Variants in CROCC2 observed in about 807,000 individuals in gnomAD.
CROCC2 encodes the protein ciliary rootlet coiled-coil, rootletin family member 2.
In CROCC2, 163 loss-of-function variants were observed where a neutral mutation model predicts 177.6. The observed-to-expected ratio is 0.92, with a 90% CI of 0.81 to 1.05. CROCC2 has a LOEUF of 1.05. CROCC2 is among the 50% of genes least tolerant of loss of function. The pLI, the probability that CROCC2 is intolerant of heterozygous loss-of-function variation, is 0.00. For synonymous variants in CROCC2, 904 were observed against 787.3 expected (o/e 1.15, Z -2.48); for missense variants, 1,929 against 1,797.8 (o/e 1.07, Z -1.32).
Position 240,953,715 on chromosome 2 carries a change from AGTCACAAAACAGTCTTTGG to A in CROCC2, c.2830-2142_2830-2124del, listed in dbSNP as rs2059571525. 6.6e-6 allele frequency among the ~76,000 whole-genome samples: 1 copy of A among 152,204 alleles called. No individual in the cohort carries two copies. Among genetic ancestry groups the A allele is most frequent in the Admixed American group, 6.5e-5 (1 of 15,288 alleles). ...TTCCCTGAGGAACCTGTGATGACCCAGTCACAAAACAGTCTTTGGGGATCTTATTTCTGTAATGAAGAAG... is the reference window on the plus strand; with the variant it reads ...TTCCCTGAGGAACCTGTGATGACCCAGGATCTTATTTCTGTAATGAAGAAG... On this transcript the variant is annotated intron_variant, in intron 18 of 31. Coordinates refer to ENST00000690015, the MANE Select transcript of CROCC2 (RefSeq NM_001351305.2). This position sits in a 1 kb window ranked among gnomAD's most constrained non-coding sequence, Gnocchi z 4.0.
intron 5 of CROCC2, among the ~76,000 whole-genome samples, chr2:240,926,893 G>A (rs1243766135): frequency 6.6e-6 from 1 of 152,248 alleles, no homozygotes; most frequent in African/African-American, 2.4e-5. Flanking sequence ...GGCGTTTGAG[G>A]CAGATCTCAT....
chr2:240,943,397 G>A (rs2059504997), intron 14 of CROCC2, among the ~76,000 whole-genome samples: 1 of 151,462 alleles, frequency 6.6e-6, no homozygotes, highest in South Asian at 2.1e-4. Context: ...CGGCTGCTTT[G>A]GTATATCTGA....
chr2:240,935,249 A>G lies in CROCC2; in HGVS notation c.1939-109A>G, dbSNP rs923756201. On this transcript the variant is annotated intron_variant, in intron 13 of 31. Coordinates refer to ENST00000690015, the MANE Select transcript of CROCC2 (RefSeq NM_001351305.2). ...GGAGGGAAGAGAGTGCCCCTGGGCC[A>G]GGCCTGAGGGAGGGAAGACAGTGCC... 5 of 1,218,782 alleles carry G rather than the reference A, an allele frequency of 4.1e-6. No individual in the cohort carries two copies. The African/African-American group carries it at 6.3e-5, about 15-fold the overall frequency. 75.5% of individuals were successfully genotyped at this position (1,218,782 alleles called of 1,614,324 possible).
In CROCC2 at chr2:240,933,156, C is replaced by T; in HGVS notation, c.1277C>T (p.Ser426Phe). 1 of 1,550,050 alleles carries T rather than the reference C, an allele frequency of 6.5e-7. No individual in the cohort carries two copies. The change falls in exon 10 of 32, where the codon TCC (serine) becomes TTC (phenylalanine). Residue 426 changes from serine to phenylalanine, a missense_variant. Physicochemically the swap from Ser to Phe is radical, Grantham distance 155. Transcript: ENST00000690015. ...EQELCLQLKS[S>F]QALVASLQEQ... is the part of the protein sequence containing the mutation. ...GAGCTGTGCCTGCAGCTGAAGTCCT[C>T]CCAGGCACTGGTGGCCAGTCTCCAG...
At chr2:240,983,938 C>A (rs1035446904) in intron 28 of CROCC2, among the ~76,000 whole-genome samples, 2 of 152,134 alleles carry the variant, frequency 1.3e-5, no homozygotes, top group Non-Finnish European at 1.5e-5. Context: ...GTGTGCCCTG[C>A]GGCTGGAGCA....
intron 14 of CROCC2, among the ~76,000 whole-genome samples, chr2:240,939,808 G>A (rs1012377632): frequency 2.0e-5 from 3 of 151,994 alleles, no homozygotes; most frequent in East Asian, 1.9e-4. Context: ...TTTGCCCCGT[G>A]GATTATTTGG....
chr2:240,989,862 G>T (rs1425628181), intron 30 of CROCC2, 29 bp downstream of exon 30: 5 of 1,516,822 alleles, frequency 3.3e-6, no homozygotes, highest in Non-Finnish European at 4.4e-6. Flanking sequence ...CCCCCTGGGT[G>T]AGGGAAGAGG....
At chr2:240,906,703 G>A in intron 1 of CROCC2, 112 bp downstream of exon 1, 1 of 398,090 alleles carries the variant, frequency 2.5e-6, no homozygotes, top group Admixed American at 4.4e-5. Context: ...CTGGCTCCCG[G>A]GGCACTTTCC....
At chr2:240,966,940 C>G (rs532118039) in intron 25 of CROCC2, among the ~76,000 whole-genome samples, 1 of 151,994 alleles carries the variant, frequency 6.6e-6, no homozygotes, top group Admixed American at 6.6e-5. Flanking sequence ...TCCTTCCCTT[C>G]GGGCCCACCC....
chr2:240,934,827 C>G, intron 12 of CROCC2, 89 bp from the exon 13 acceptor site: 1 of 1,351,222 alleles, frequency 7.4e-7, no homozygotes, highest in Non-Finnish European at 9.7e-7. Context: ...TGCACACCTC[C>G]GTGGCTCAGG....
At chr2:240,928,309 T>C (rs2059406250) in intron 5 of CROCC2, among the ~76,000 whole-genome samples, 1 of 152,210 alleles carries the variant, frequency 6.6e-6, no homozygotes. Context: ...ACTATCCTGG[T>C]GATGTAGTGT....
At chr2:240,922,068 C>T (rs1301074709) in intron 3 of CROCC2, among the ~76,000 whole-genome samples, 1 of 152,208 alleles carries the variant, frequency 6.6e-6, no homozygotes, top group African/African-American at 2.4e-5. Context: ...CCAGAGGTAG[C>T]CCTGTGACCT....
intron 20 of CROCC2, among the ~76,000 whole-genome samples, chr2:240,962,062 ACT>A (rs2059645621): frequency 8.4e-6 from 1 of 119,760 alleles, no homozygotes; most frequent in African/African-American, 3.7e-5. Flanking sequence ...ATACACTCAC[ACT>A]CACACGCACT....
chr2:240,978,481 C>A (rs1459832159), intron 27 of CROCC2, among the ~76,000 whole-genome samples: 1 of 26,632 alleles, frequency 3.8e-5, no homozygotes, highest in Non-Finnish European at 5.5e-5. Context: ...CCAGGCTCAT[C>A]CCTGCTCAGT....
At position 240,946,104 on chromosome 2, in the gene CROCC2, C is replaced by T. The variant is rs1238524105; in HGVS notation, c.2214C>T (p.Ser738=). The change falls in exon 15 of 32, where the codon AGC becomes AGT. Residue 738 remains serine (S), a synonymous_variant. Coordinates refer to ENST00000690015, the MANE Select transcript of CROCC2 (RefSeq NM_001351305.2). ...CCCTGGAGGAGCAGCTGGCTCAGAG[C>T]CTGCAGGACCAGGAGGCCCAGATGG... ...KQALEEQLAQ[S]LQDQEAQMGT... 3.6e-5 allele frequency: 56 copies of T among 1,534,852 alleles called. No individual in the cohort carries two copies. Among genetic ancestry groups the T allele is most frequent in the Non-Finnish European group, 4.8e-5 (54 of 1,134,492 alleles).
chr2:240,914,528 C>T (rs568361710), intron 1 of CROCC2, among the ~76,000 whole-genome samples: 9 of 152,346 alleles, frequency 5.9e-5, no homozygotes, highest in Admixed American at 2.6e-4. Context: ...CCCCCTGCAG[C>T]GCTCCTCGCG....
At position 240,960,615 on chromosome 2, in the gene CROCC2, C is replaced by T. The variant is rs879329749; in HGVS notation, c.3087+1171C>T. 1.3e-5 allele frequency among the ~76,000 whole-genome samples: 2 copies of T among 152,122 alleles called. No individual in the cohort carries two copies. The highest frequency in any genetic ancestry group is 2.1e-4 in the South Asian group (1 of 4,834). On this transcript the variant is annotated intron_variant, in intron 20 of 31. Coordinates refer to ENST00000690015, the MANE Select transcript of CROCC2 (RefSeq NM_001351305.2). This position sits in a 1 kb window ranked among gnomAD's most constrained non-coding sequence, Gnocchi z 5.0. ...CCCACGGGGACGGGGCGACCTCGCA[C>T]ACTCCCTGGGCTGCTTGCCAAGGCT...
intron 21 of CROCC2, 192 bp from the exon 22 acceptor site, chr2:240,964,274 C>A: frequency 3.1e-6 from 2 of 644,662 alleles, no homozygotes; most frequent in Non-Finnish European, 5.5e-6. Flanking sequence ...AGGGGCCATG[C>A]GGCCGGCACC....
At chr2:240,952,565 TTAGA>T (rs1022743555) in intron 18 of CROCC2, among the ~76,000 whole-genome samples, 1 of 152,198 alleles carries the variant, frequency 6.6e-6, no homozygotes, top group African/African-American at 2.4e-5. Context: ...ACTCACATCC[TTAGA>T]TAGAGGAAGG....
Sources: allele counts gnomAD v4.1 joint callset (sites outside exome capture counted in the v4.1 genomes callset), GRCh38; gene constraint gnomAD v4.1.1; non-coding constraint Gnocchi (gnomAD v3.1); transcripts MANE v1.5; gene names NCBI Gene and HGNC (gene_info 2026-07-23, HGNC 2026-07-21).